Variants in UST observed in about 807,000 individuals in gnomAD.
UST encodes the protein uronyl 2-sulfotransferase, also known as chondroitin sulfate 2-O-sulfotransferase.
In UST, 21 loss-of-function variants were observed where a neutral mutation model predicts 45.6. The ratio of observed to expected loss-of-function variants is 0.46; its 90% CI spans 0.33 to 0.66. The LOEUF (loss-of-function observed/expected upper bound fraction) is 0.66. Among genes scored for constraint, UST ranks in the 30% least tolerant of loss-of-function variants. The pLI, the probability that UST is intolerant of heterozygous loss-of-function variation, is 0.02. For synonymous variants in UST, 215 were observed against 200.6 expected (o/e 1.07, Z -0.61); for missense variants, 463 against 512.4 (o/e 0.90, Z 0.93).
intron 7 of UST, among the ~76,000 whole-genome samples, chr6:149,036,911 A>C (rs988426618): frequency 5.3e-5 from 8 of 152,226 alleles, no homozygotes; most frequent in Non-Finnish European, 7.3e-5. Context: ...GTGGGAGGAA[A>C]TGTAAATTAT....
intron 2 of UST, among the ~76,000 whole-genome samples, chr6:148,932,039 A>G (rs1023661721): frequency 1.3e-5 from 2 of 152,214 alleles, no homozygotes; most frequent in Admixed American, 6.5e-5. Flanking sequence ...ACATACAAGT[A>G]TTCCATGGAT....
At chr6:148,761,835 G>A (rs960706631) in intron 1 of UST, among the ~76,000 whole-genome samples, 9 of 152,180 alleles carry the variant, frequency 5.9e-5, no homozygotes, top group Non-Finnish European at 8.8e-5. Flanking sequence ...TCAGCAGTGC[G>A]GGGTTAACAT....
At chr6:149,051,508 A>G (rs1776486852) in intron 7 of UST, among the ~76,000 whole-genome samples, 2 of 152,250 alleles carry the variant, frequency 1.3e-5, no homozygotes, top group South Asian at 4.1e-4. Context: ...CTTTTGACCC[A>G]AGATCTTAAG....
At chr6:148,946,692 T>A (rs2114929925) in intron 3 of UST, among the ~76,000 whole-genome samples, 1 of 149,710 alleles carries the variant, frequency 6.7e-6, no homozygotes, top group East Asian at 2.0e-4. Context: ...CGGGTGCCTG[T>A]AGTCCCAACT....
chr6:148,916,913 C>A (rs1779601495), intron 2 of UST, among the ~76,000 whole-genome samples: 1 of 152,236 alleles, frequency 6.6e-6, no homozygotes, highest in Non-Finnish European at 1.5e-5. Flanking sequence ...GCAATTTCTT[C>A]CTGCCTTGCT....
At chr6:148,848,392 G>T (rs541322922) in intron 1 of UST, among the ~76,000 whole-genome samples, 1 of 152,150 alleles carries the variant, frequency 6.6e-6, no homozygotes, top group South Asian at 2.1e-4. Context: ...CATGATTAAG[G>T]CTGGGCATGG....
chr6:149,002,018 C>G (rs1562326090), intron 5 of UST, among the ~76,000 whole-genome samples: 1 of 152,110 alleles, frequency 6.6e-6, no homozygotes, highest in African/African-American at 2.4e-5. Flanking sequence ...TTCTCATCAT[C>G]TATTTACAAA....
chr6:149,004,968 G>A (rs1781619687), intron 5 of UST, among the ~76,000 whole-genome samples: 1 of 151,450 alleles, frequency 6.6e-6, no homozygotes, highest in Non-Finnish European at 1.5e-5. Context: ...GAGTAGCTGG[G>A]ACTACAGTAG....
At chr6:149,042,583 A>G (rs536927647) in intron 7 of UST, among the ~76,000 whole-genome samples, 1 of 152,316 alleles carries the variant, frequency 6.6e-6, no homozygotes, top group Non-Finnish European at 1.5e-5. Flanking sequence ...CTTCAAAGGA[A>G]GGAGTCATTC....
At chr6:148,823,507 G>C (rs190236960) in intron 1 of UST, among the ~76,000 whole-genome samples, 28 of 152,288 alleles carry the variant, frequency 1.8e-4, no homozygotes, top group Non-Finnish European at 3.7e-4. Flanking sequence ...GCATAATTTA[G>C]AGGAGAATTA....
chr6:148,777,941 A>T (rs2054659), intron 1 of UST, among the ~76,000 whole-genome samples: 1 of 151,998 alleles, frequency 6.6e-6, no homozygotes, highest in Non-Finnish European at 1.5e-5. Context: ...CCAGGTCTGT[A>T]GCCTAGGAGC....
At chr6:148,889,489 C>T (rs1156528989) in intron 2 of UST, among the ~76,000 whole-genome samples, 1 of 152,140 alleles carries the variant, frequency 6.6e-6, no homozygotes, top group Admixed American at 6.5e-5. Context: ...GTGTCCTCAC[C>T]AGTGACTTCC....
At chr6:149,060,360 G>A (rs1776636345) in intron 7 of UST, among the ~76,000 whole-genome samples, 1 of 152,114 alleles carries the variant, frequency 6.6e-6, no homozygotes, top group African/African-American at 2.4e-5. Context: ...ACATGCCATC[G>A]ATCATATCTG....
intron 1 of UST, among the ~76,000 whole-genome samples, chr6:148,784,078 G>A (rs540510451): frequency 2.6e-5 from 4 of 152,092 alleles, no homozygotes; most frequent in East Asian, 1.9e-4. Context: ...ACCCTCATAC[G>A]CTTCATCATT....
chr6:149,023,142 GTGTGTGTGGTGTGGTGTGGT>G (rs1776003887), intron 7 of UST, among the ~76,000 whole-genome samples: 1 of 130,912 alleles, frequency 7.6e-6, no homozygotes, highest in Non-Finnish European at 1.7e-5. Context: ...GTGTGTGTGT[GTGTGTGTGGTGTGGTGTGGT>G]GTGTGGTGTG....
rs981741059 is a variant in UST, at chr6:148,891,284, C to T, written c.291+4255C>T. Among the ~76,000 whole-genome samples, 5 of 152,052 alleles carry T rather than the reference C, an allele frequency of 3.3e-5. 1 individual carries two copies. Among genetic ancestry groups the T allele is most frequent in the South Asian group, 4.1e-4 (2 of 4,822 alleles). The stretch of plus-strand genomic sequence containing the variant: ...GGACGTGGGTACCTGGTGCAAGCAG[C>T]GGGCAGCAGCAATGATAAGTTCTGT... On this transcript the variant is annotated intron_variant, in intron 2 of 7. Transcript: ENST00000367463.
intron 1 of UST, among the ~76,000 whole-genome samples, chr6:148,789,449 TCTCTCACACA>T (rs758541144): frequency 6.2e-5 from 8 of 129,096 alleles, no homozygotes; most frequent in East Asian, 2.6e-4. Flanking sequence ...TCTCTCTCTC[TCTCTCACACA>T]CACACACACA....
intron 4 of UST, chr6:148,955,578 T>C (rs1002787918): frequency 5.3e-5 from 8 of 152,346 alleles, no homozygotes; most frequent in African/African-American, 1.4e-4. Context: ...GTTACTGGAT[T>C]ATCCAGGGTG....
At chr6:148,774,270 T>A (rs1365285938) in intron 1 of UST, among the ~76,000 whole-genome samples, 2 of 127,844 alleles carry the variant, frequency 1.6e-5, no homozygotes, top group South Asian at 2.3e-4. Flanking sequence ...CAAGGTTATT[T>A]TATATATATA....
Sources: gnomAD v4.1 joint callset for allele counts (sites outside exome capture counted in the v4.1 genomes callset) on GRCh38, gnomAD v4.1.1 for gene constraint, MANE v1.5 for transcripts, NCBI Gene and HGNC (gene_info 2026-07-23, HGNC 2026-07-21) for gene names.